The following PPM1F variants were observed in gnomAD, a reference collection of about 807,000 sequenced individuals.
PPM1F encodes protein phosphatase 1F.
A neutral mutation model predicts 35.5 loss-of-function variants in PPM1F; 17 were observed. That is an observed-to-expected ratio of 0.48 (90% CI 0.33 to 0.72). The LOEUF is 0.72. Ranked by LOEUF, PPM1F falls within the 30% of genes least tolerant of loss-of-function variation. PPM1F has a pLI of 0.02. For synonymous variants in PPM1F, 241 were observed against 255.5 expected, an observed-to-expected ratio of 0.94 and a Z score of 0.54; for missense variants, 521 against 613.0, an observed-to-expected ratio of 0.85 and a Z score of 1.59.
chr22:21,931,363 A>T, intron 5 of PPM1F, 72 bp from the exon 6 acceptor site: 1 of 1,447,114 alleles, frequency 6.9e-7, no homozygotes, highest in Non-Finnish European at 9.4e-7. Flanking sequence ...GGGCAGGATG[A>T]AGCTTCCGGG....
chr22:21,929,049 C>G (rs1487440312), intron 6 of PPM1F, among the ~76,000 whole-genome samples: 5 of 152,310 alleles, frequency 3.3e-5, no homozygotes, highest in South Asian at 2.1e-4. Context: ...GCACTCCCCC[C>G]ACGTACTCCT....
At position 21,919,451 on chromosome 22, in the gene PPM1F, T is replaced by C. The variant is rs1314718006; in HGVS notation, c.*3641A>G. On this transcript the variant is annotated 3_prime_UTR_variant, in exon 8 of 8. Transcript: ENST00000263212. ...TCAGAACTTGTGGTTTATTGACACT[T>C]CTGCATGGTGGGTCCTTGGGAGACT... 6.6e-6 allele frequency: 1 copy of C among 152,630 alleles called. No homozygotes were observed. Among genetic ancestry groups the C allele is most frequent in the African/African-American group, 2.4e-5 (1 of 41,438 alleles). 9.5% of individuals were successfully genotyped at this position (152,630 alleles called of 1,614,324 possible). A position where few individuals can be genotyped will look rare whatever the true frequency, so the allele number is the denominator to read the frequency against.
intron 1 of PPM1F, chr22:21,948,392 T>G (rs1210781162): frequency 1.3e-5 from 2 of 148,278 alleles, no homozygotes; most frequent in African/African-American, 5.0e-5. Context: ...GGAGGGACAC[T>G]GACATTCAAA....
At chr22:21,937,373 G>A (rs1489825476) in intron 3 of PPM1F, among the ~76,000 whole-genome samples, 1 of 152,146 alleles carries the variant, frequency 6.6e-6, no homozygotes, top group Non-Finnish European at 1.5e-5. Flanking sequence ...AGCTGCTGCC[G>A]CCATGGCCAA....
At chr22:21,942,036 G>A (rs2070730820) in intron 2 of PPM1F, 1 of 152,294 alleles carries the variant, frequency 6.6e-6, no homozygotes, top group Non-Finnish European at 1.5e-5. Flanking sequence ...ACCCAGTGGG[G>A]GCCCTGGAAG....
intron 2 of PPM1F, chr22:21,942,246 A>G (rs565804312): frequency 6.6e-6 from 1 of 151,598 alleles, no homozygotes; most frequent in South Asian, 2.1e-4. Flanking sequence ...TGGTCTGAGG[A>G]ATCTACCGGG....
chr22:21,926,025 G>A lies in PPM1F; in HGVS notation c.892-363C>T, dbSNP rs1370918835. ...TCCCTGTCTCTAGCTCGGGGACACC[G>A]TCTCTGCCCTGAAAGCTGCTGGGCC... is the stretch of plus-strand genomic sequence containing the variant. On this transcript the variant is annotated intron_variant, in intron 6 of 7. Transcript: ENST00000263212. 3.1e-5 allele frequency: 7 copies of A among 229,054 alleles called. No homozygotes were observed. The East Asian group carries it at 5.4e-4, about 18-fold the overall frequency. 14.2% of individuals were successfully genotyped at this position (229,054 alleles called of 1,614,324 possible). A position where few individuals can be genotyped will look rare whatever the true frequency, so the allele number is the denominator to read the frequency against.
chr22:21,934,044 TG>T lies in PPM1F; in HGVS notation c.537del (p.Phe179LeufsTer11). 6.4e-7 allele frequency: 1 copy of T among 1,562,906 alleles called. No homozygotes were observed. Among genetic ancestry groups the T allele is most frequent in the Non-Finnish European group, 8.7e-7 (1 of 1,152,734 alleles). On this transcript the variant is annotated frameshift_variant, in exon 4 of 8. Coordinates refer to ENST00000263212, the MANE Select transcript of PPM1F (RefSeq NM_014634.4). LOFTEE classifies it high-confidence loss of function. ...CTCACAGACAAGCCGAAGAGCTGGT[TG>T]AAGGAAGGGAGGGACACGTGCCGGT... Reference protein sequence around the residue: ...MEDRHVSLPSFNQLFGLSDPV... With the variant: ...MEDRHVSLPSXNQLFGLSDPV...
rs1383585504 is a variant in PPM1F at position 21,920,216 on chromosome 22, C to CCAGG, written c.*2872_*2875dup. On this transcript the variant is annotated 3_prime_UTR_variant, in exon 8 of 8. Coordinates refer to ENST00000263212, the MANE Select transcript of PPM1F (RefSeq NM_014634.4). ...GCCCCTGTGTGCTGGCAGCATCTCCCCAGGACACGCCGGCTCACCTGCACC... is the reference window on the plus strand; with the variant it reads ...GCCCCTGTGTGCTGGCAGCATCTCCCCAGGCAGGACACGCCGGCTCACCTGCACC... 3 of 152,784 alleles carry CCAGG rather than the reference C, an allele frequency of 2.0e-5. No individual in the cohort carries two copies. In the East Asian group the frequency reaches 5.8e-4, roughly 30 times the overall value. The allele number at this position is 152,784 out of a possible 1,614,324, so 9.5% of individuals were successfully genotyped here.
intron 2 of PPM1F, among the ~76,000 whole-genome samples, chr22:21,940,936 T>C (rs1390102264): frequency 6.6e-6 from 1 of 152,142 alleles, no homozygotes; most frequent in Non-Finnish European, 1.5e-5. Context: ...TCTTGCTCTG[T>C]CTCCCAGGCT....
chr22:21,927,942 G>GTTTT (rs60216371), intron 6 of PPM1F, among the ~76,000 whole-genome samples: 81 of 75,124 alleles, frequency 1.1e-3, no homozygotes, highest in East Asian at 1.7e-3. Flanking sequence ...TTTTTGTTTT[G>GTTTT]TTTTTTTTTT....
At chr22:21,938,588 G>A (rs2070690275) in intron 3 of PPM1F, 2 of 1,028,086 alleles carry the variant, frequency 1.9e-6, no homozygotes, top group Non-Finnish European at 2.3e-6. Context: ...ACAGGGAAAG[G>A]AAAGGAAATG....
intron 6 of PPM1F, among the ~76,000 whole-genome samples, chr22:21,926,624 T>C (rs558971249): frequency 5.9e-5 from 9 of 152,298 alleles, no homozygotes; most frequent in African/African-American, 2.2e-4. Context: ...GCCTGCTGAC[T>C]GAAGCCTGCA....
rs540237793 is a variant in PPM1F at position 21,923,074 on chromosome 22, C to T, written c.*18G>A. The stretch of plus-strand genomic sequence containing the variant: ...GACAAGGATGGGAGGAAGGGGAGGG[C>T]AGGGGCCTGGAAACCACCTAGCTTC... On this transcript the variant is annotated 3_prime_UTR_variant, in exon 8 of 8. Transcript: ENST00000263212. 4.4e-6 allele frequency: 7 copies of T among 1,577,388 alleles called. No individual in the cohort carries two copies. The highest frequency in any genetic ancestry group is 6.0e-6 in the Non-Finnish European group (7 of 1,162,962).
chr22:21,933,680 T>G (rs561115786), intron 4 of PPM1F, 101 bp from the exon 5 acceptor site: 1 of 1,131,806 alleles, frequency 8.8e-7, no homozygotes, highest in East Asian at 2.5e-5. Flanking sequence ...GGAGAATCAG[T>G]ATGGCCTTCG....
chr22:21,938,482 T>C, intron 3 of PPM1F: 1 of 1,107,644 alleles, frequency 9.0e-7, no homozygotes, highest in Admixed American at 4.8e-5. Flanking sequence ...CACCCACTGA[T>C]GCTGGCGGCC....
intron 5 of PPM1F, among the ~76,000 whole-genome samples, chr22:21,933,027 C>T (rs901942587): frequency 6.6e-6 from 1 of 152,186 alleles, no homozygotes; most frequent in African/African-American, 2.4e-5. Flanking sequence ...GGCCCCTCCT[C>T]TCAGGAACTG....
intron 6 of PPM1F, among the ~76,000 whole-genome samples, chr22:21,926,950 C>T (rs1364081071): frequency 6.6e-6 from 1 of 152,204 alleles, no homozygotes; most frequent in African/African-American, 2.4e-5. Flanking sequence ...TTATGTGGCT[C>T]CCCTGCAGAG....
intron 1 of PPM1F, chr22:21,951,857 C>G (rs1479455001): frequency 6.6e-6 from 1 of 152,278 alleles, no homozygotes; most frequent in African/African-American, 2.4e-5. Flanking sequence ...CAATCAAGGT[C>G]TCTGGATGCC....
Sources: allele counts gnomAD v4.1 joint callset (sites outside exome capture counted in the v4.1 genomes callset), GRCh38; gene constraint gnomAD v4.1.1; transcripts MANE v1.5; gene names NCBI Gene and HGNC (gene_info 2026-07-23, HGNC 2026-07-21).